Variants in VAC14 observed in about 807,000 individuals in gnomAD.
The protein encoded by VAC14 is protein VAC14 homolog.
In VAC14, 47 loss-of-function variants were observed where a neutral mutation model predicts 85.3. The observed-to-expected ratio is 0.55, with a 90% CI of 0.44 to 0.70. The LOEUF is 0.70. VAC14 is among the 30% of genes least tolerant of loss of function. VAC14 has a pLI of 0.00. For synonymous variants in VAC14, 447 were observed against 430.5 expected (o/e 1.04, Z -0.47); for missense variants, 861 against 1,004.3 (o/e 0.86, Z 1.93).
intron 1 of VAC14, among the ~76,000 whole-genome samples, chr16:70,788,836 C>G (rs1307728583): frequency 6.6e-6 from 1 of 152,228 alleles, no homozygotes; most frequent in Non-Finnish European, 1.5e-5. Context: ...AGGAGCCAGT[C>G]AGTCCCTCCA....
intron 1 of VAC14, among the ~76,000 whole-genome samples, chr16:70,789,011 C>A (rs769213377): frequency 2.5e-4 from 38 of 152,370 alleles, no homozygotes; most frequent in Non-Finnish European, 4.3e-4. Context: ...GTTGTGCTGT[C>A]CTCAGCCTTG....
At chr16:70,733,931 T>C (rs2054671434) in intron 13 of VAC14, among the ~76,000 whole-genome samples, 1 of 152,158 alleles carries the variant, frequency 6.6e-6, no homozygotes, top group African/African-American at 2.4e-5. Context: ...CAAGCAATTC[T>C]CCTGCATCAG....
At chr16:70,712,295 C>T (rs866748496) in intron 14 of VAC14, among the ~76,000 whole-genome samples, 8 of 152,186 alleles carry the variant, frequency 5.3e-5, no homozygotes, top group African/African-American at 1.4e-4. Context: ...GGGTTACAGG[C>T]GAGGCGCCCT....
chr16:70,735,473 G>A lies in VAC14; in HGVS notation c.1529-3846C>T, dbSNP rs1050030512. On this transcript the variant is annotated intron_variant, in intron 13 of 18. Coordinates refer to ENST00000261776, the MANE Select transcript of VAC14 (RefSeq NM_018052.5). Reference sequence around the variant, plus strand: ...CAGACTGACTGTATTTGATGCCAGCGGGCAGGAAGCAGCAGCAAGACTCTC... The same window carrying A: ...CAGACTGACTGTATTTGATGCCAGCAGGCAGGAAGCAGCAGCAAGACTCTC... 5.9e-5 allele frequency among the ~76,000 whole-genome samples: 9 copies of A among 152,206 alleles called. No individual in the cohort carries two copies. In the South Asian group the frequency reaches 1.0e-3, roughly 18 times the overall value.
At chr16:70,722,593 G>A (rs926141704) in intron 14 of VAC14, among the ~76,000 whole-genome samples, 2 of 152,074 alleles carry the variant, frequency 1.3e-5, no homozygotes, top group Non-Finnish European at 1.5e-5. Flanking sequence ...AGGACACCGG[G>A]ACAAGAGAAA....
intron 10 of VAC14, chr16:70,768,601 C>T (rs1254246164): frequency 3.1e-6 from 1 of 322,484 alleles, no homozygotes; most frequent in East Asian, 1.1e-4. Context: ...CCTGGGGCCA[C>T]CAGGGGCTTC....
intron 1 of VAC14, among the ~76,000 whole-genome samples, chr16:70,796,895 G>A (rs1264407421): frequency 6.6e-6 from 1 of 152,142 alleles, no homozygotes; most frequent in Non-Finnish European, 1.5e-5. Context: ...GAGGTCCTAA[G>A]GGTGGGGCCC....
rs188280787 is a variant in VAC14 at position 70,783,614 on chromosome 16, C to T, written c.595-60G>A. The T allele has an allele frequency of 8.4e-6, 13 of 1,551,804 alleles. No individual in the cohort carries two copies. In the African/African-American group the frequency reaches 1.5e-4, roughly 18 times the overall value. Reference sequence around the variant, plus strand: ...CTCCAGAACCCTGTTTCCTGCTCACCAAGCCTCTGGGACTGGGCTGTAGGA... The same window carrying T: ...CTCCAGAACCCTGTTTCCTGCTCACTAAGCCTCTGGGACTGGGCTGTAGGA... On this transcript the variant is annotated intron_variant, in intron 5 of 18. Transcript: ENST00000261776.
At position 70,689,758 on chromosome 16, in the gene VAC14, A is replaced by T. The variant is rs140418079; in HGVS notation, c.2187-1668T>A. ...AAGCAGCTGGGCGGGGCCATTCTAG[A>T]GGGCCAGGCTGTGGGCAGTGTTCTA... On this transcript the variant is annotated intron_variant, in intron 18 of 18. Transcript: ENST00000261776. The T allele has an allele frequency of 2.8e-5, 28 of 985,488 alleles. No homozygotes were observed. In the African/African-American group the frequency reaches 4.7e-4, roughly 17 times the overall value. 61.0% of individuals were successfully genotyped at this position (985,488 alleles called of 1,614,324 possible). A position where few individuals can be genotyped will look rare whatever the true frequency, so the allele number is the denominator to read the frequency against.
At chr16:70,789,544 G>A (rs777199354) in intron 1 of VAC14, among the ~76,000 whole-genome samples, 13 of 152,216 alleles carry the variant, frequency 8.5e-5, no homozygotes, top group Non-Finnish European at 1.5e-4. Context: ...CGCCTGCCAC[G>A]CGGGAGGCCC....
intron 14 of VAC14, among the ~76,000 whole-genome samples, chr16:70,705,613 AAGAGAC>A (rs2053905912): frequency 6.6e-6 from 1 of 152,142 alleles, no homozygotes; most frequent in African/African-American, 2.4e-5. Context: ...AAACCCTAGA[AAGAGAC>A]AGCAAGGTTG....
intron 1 of VAC14, among the ~76,000 whole-genome samples, chr16:70,787,153 T>C (rs963740704): frequency 1.3e-5 from 2 of 152,098 alleles, no homozygotes; most frequent in East Asian, 1.9e-4. Flanking sequence ...CAACTGGACA[T>C]CTCTGGTGGT....
intron 12 of VAC14, among the ~76,000 whole-genome samples, chr16:70,758,239 C>T (rs1472554325): frequency 6.6e-6 from 1 of 152,162 alleles, no homozygotes; most frequent in African/African-American, 2.4e-5. Context: ...ACAGACAGGT[C>T]ATTATAATGG....
At position 70,786,131 on chromosome 16, in the gene VAC14, G is replaced by T; in HGVS notation, c.255+84C>A. On this transcript the variant is annotated intron_variant, in intron 2 of 18. Coordinates refer to ENST00000261776, the MANE Select transcript of VAC14 (RefSeq NM_018052.5). ...AACATAGGTCTGCAATGCCCTACTG[G>T]GTCTTGACAGGGAAGGCATCGGGAT... is the stretch of plus-strand genomic sequence containing the variant. The T allele has an allele frequency of 3.2e-6, 5 of 1,556,560 alleles. 1 individual carries two copies. The South Asian group carries it at 4.8e-5, about 15-fold the overall frequency.
intron 14 of VAC14, chr16:70,700,336 G>A (rs1299322980): frequency 6.6e-6 from 1 of 152,248 alleles, no homozygotes; most frequent in African/African-American, 2.4e-5. Flanking sequence ...GGCCGCACGA[G>A]TGAGGGCCGC....
Position 70,744,527 on chromosome 16 carries a change from C to A in VAC14, c.1424G>T (p.Gly475Val). Residue 475 changes from glycine (G) to valine (V), a missense_variant, in exon 13 of 19, where the codon GGC (glycine) becomes GTC (valine). Around this residue, in one of 3 missense-constraint regions of VAC14, gnomAD observed 629 missense variants for 703.1 expected, o/e 0.89. Transcript: ENST00000261776. ...VLAEIASSPA[G>V]QTDDPGPLDG... ...GAGGGGGCCTGGGTCATCCGTCTGG[C>A]CTGCGGGGGAGGAAGCGATTTCTGC... 1 of 1,611,314 alleles carries A rather than the reference C, an allele frequency of 6.2e-7. No individual in the cohort carries two copies. The highest frequency in any genetic ancestry group is 8.5e-7 in the Non-Finnish European group (1 of 1,179,174).
intron 18 of VAC14, 67 bp downstream of exon 18, chr16:70,692,754 T>G (rs2053622819): frequency 6.5e-7 from 1 of 1,547,382 alleles, no homozygotes; most frequent in African/African-American, 1.4e-5. Flanking sequence ...AGGCCCTTCC[T>G]CACCAGGCTC....
intron 14 of VAC14, among the ~76,000 whole-genome samples, chr16:70,722,632 G>C (rs559048477): frequency 6.6e-6 from 1 of 152,140 alleles, no homozygotes; most frequent in South Asian, 2.1e-4. Flanking sequence ...ATTCTACAAC[G>C]ATGGACAAGA....
intron 14 of VAC14, among the ~76,000 whole-genome samples, chr16:70,703,556 G>A (rs1285775705): frequency 2.0e-5 from 3 of 152,216 alleles, no homozygotes; most frequent in South Asian, 2.1e-4. Context: ...TGGCAATGGA[G>A]CTTTTGGCCC....
Sources: allele counts gnomAD v4.1 joint callset (sites outside exome capture counted in the v4.1 genomes callset), GRCh38; gene constraint gnomAD v4.1.1; regional missense constraint gnomAD v4.1.1; transcripts MANE v1.5; gene names NCBI Gene and HGNC (gene_info 2026-07-23, HGNC 2026-07-21).